The following TENT5D variants were observed in gnomAD, a reference collection of about 807,000 sequenced individuals.
TENT5D encodes the protein cancer/testis antigen 112.
For synonymous variants in TENT5D, 103 were observed against 100.6 expected (o/e 1.02, Z -0.15); for missense variants, 191 against 287.0 (o/e 0.67, Z 2.42).
intron 3 of TENT5D, among the ~76,000 whole-genome samples, chrX:80,375,215 T>C (rs1930702083): frequency 9.0e-6 from 1 of 111,713 alleles, no homozygotes; most frequent in Non-Finnish European, 1.9e-5. Flanking sequence ...AAACTTAAAT[T>C]TCATACATAG....
chrX:80,395,735 A>G (rs1931227817), intron 3 of TENT5D, among the ~76,000 whole-genome samples: 1 of 109,769 alleles, frequency 9.1e-6, no homozygotes, highest in Admixed American at 9.9e-5. Flanking sequence ...GCTATTTGAA[A>G]CCATATATTA....
intron 3 of TENT5D, among the ~76,000 whole-genome samples, chrX:80,351,498 C>T (rs187001745): frequency 4.0e-4 from 43 of 108,661 alleles, no homozygotes; most frequent in African/African-American, 1.3e-3. Flanking sequence ...TCAGCTCCAT[C>T]AGATCATTTA....
chrX:80,404,830 A>G (rs979024898), intron 3 of TENT5D, among the ~76,000 whole-genome samples: 2 of 112,168 alleles, frequency 1.8e-5, no homozygotes, highest in Non-Finnish European at 3.8e-5. Context: ...AGAAAGTTAC[A>G]TGGATGTAAT....
At chrX:80,353,855 C>T (rs1382175478) in intron 3 of TENT5D, among the ~76,000 whole-genome samples, 1 of 112,438 alleles carries the variant, frequency 8.9e-6, no homozygotes, top group Admixed American at 9.4e-5. Context: ...CATTGCCAAA[C>T]TGCTTTTCAC....
intron 3 of TENT5D, among the ~76,000 whole-genome samples, chrX:80,354,036 A>G (rs779751345): frequency 5.1e-4 from 57 of 111,071 alleles, no homozygotes; most frequent in African/African-American, 1.7e-3. Context: ...TTTCCTTATG[A>G]TTAGTGATGT....
intron 3 of TENT5D, among the ~76,000 whole-genome samples, chrX:80,392,437 C>A (rs1931146718): frequency 1.2e-5 from 1 of 83,722 alleles, no homozygotes; most frequent in Non-Finnish European, 2.3e-5. Flanking sequence ...GGGCCAATTT[C>A]TGTGATCTTA....
chrX:80,349,814 T>G (rs1430400375), intron 3 of TENT5D, among the ~76,000 whole-genome samples: 2 of 111,313 alleles, frequency 1.8e-5, no homozygotes, highest in Admixed American at 1.9e-4. Flanking sequence ...CTCTAAACAC[T>G]GCTTTACCTG....
At chrX:80,406,019 A>G (rs1240667042) in intron 3 of TENT5D, among the ~76,000 whole-genome samples, 27 of 108,392 alleles carry the variant, frequency 2.5e-4, no homozygotes, top group Non-Finnish European at 4.0e-4. Context: ...GGGTATTCCA[A>G]CAGACCTGCA....
intron 1 of TENT5D, among the ~76,000 whole-genome samples, chrX:80,428,347 T>A (rs1932022309): frequency 8.9e-6 from 1 of 112,172 alleles, no homozygotes; most frequent in Non-Finnish European, 1.9e-5. Context: ...ATGGTTAACC[T>A]GTTGGCTTCT....
At chrX:80,397,053 C>T (rs1363543321) in intron 3 of TENT5D, among the ~76,000 whole-genome samples, 32 of 91,176 alleles carry the variant, frequency 3.5e-4, no homozygotes, top group South Asian at 6.3e-4. Context: ...CCCTCCCAGA[C>T]GGGGTGGCTG....
intron 1 of TENT5D, among the ~76,000 whole-genome samples, chrX:80,426,711 A>G (rs1230774802): frequency 8.9e-6 from 1 of 111,922 alleles, no homozygotes; most frequent in African/African-American, 3.2e-5. Flanking sequence ...CCTAGGCAAA[A>G]TGTACATTTC....
intron 2 of TENT5D, among the ~76,000 whole-genome samples, chrX:80,337,954 G>A (rs1314847523): frequency 1.8e-5 from 2 of 111,037 alleles, no homozygotes; most frequent in African/African-American, 3.3e-5. Context: ...TAGTAGAGAC[G>A]GGGTTTCACC....
intron 1 of TENT5D, among the ~76,000 whole-genome samples, chrX:80,433,035 G>A (rs758341039): frequency 4.7e-4 from 52 of 111,353 alleles, no homozygotes; most frequent in Non-Finnish European, 7.5e-4. Context: ...ACCATCAGGA[G>A]CTGAACTGAT....
At position 80,377,698 on chromosome X, in the gene TENT5D, G is replaced by A. The variant is rs772933366; in HGVS notation, c.-142+35134G>A. Among the ~76,000 whole-genome samples the A allele has an allele frequency of 3.9e-4, 44 of 111,992 alleles. No homozygotes were observed. The South Asian group carries it at 7.5e-3, about 19-fold the overall frequency. The stretch of plus-strand genomic sequence containing the variant: ...GTGAATAGTGCCACAATAAACATAC[G>A]TGTGCATGTGTCTTTATAGTAGCAT... On this transcript the variant is annotated intron_variant, in intron 3 of 4. Coordinates refer to the TENT5D transcript ENST00000538312.
chrX:80,343,014 T>A (rs1190532149), intron 3 of TENT5D, among the ~76,000 whole-genome samples: 1 of 111,285 alleles, frequency 9.0e-6, no homozygotes. Flanking sequence ...AAGTCAACTT[T>A]ATAAAGGAAA....
At position 80,401,100 on chromosome X, in the gene TENT5D, A is replaced by T. The variant is rs374664158; in HGVS notation, c.-141-37510A>T. Among the ~76,000 whole-genome samples the T allele has an allele frequency of 9.8e-5, 11 of 111,837 alleles. No individual in the cohort carries two copies. In the East Asian group the frequency reaches 3.1e-3, roughly 31 times the overall value. On this transcript the variant is annotated intron_variant, in intron 3 of 4. Coordinates refer to the TENT5D transcript ENST00000538312. ...GTCTTCTTCAGTCTCTTTTGATAAC[A>T]TTTTATAGTTTTCATTATAAAAGTC...
chrX:80,366,637 G>T (rs1171648841), intron 3 of TENT5D, among the ~76,000 whole-genome samples: 1 of 111,152 alleles, frequency 9.0e-6, no homozygotes, highest in Non-Finnish European at 1.9e-5. Flanking sequence ...ATAAGAGAAT[G>T]AATGCTTTAT....
At chrX:80,401,487 A>G (rs1056687515) in intron 3 of TENT5D, among the ~76,000 whole-genome samples, 2 of 111,588 alleles carry the variant, frequency 1.8e-5, no homozygotes, top group Non-Finnish European at 3.8e-5. Context: ...TATCTCGTTC[A>G]TGATCTTAAA....
rs747025741 is a variant in TENT5D at position 80,383,605 on chromosome X, C to A, written c.-142+41041C>A. On this transcript the variant is annotated intron_variant, in intron 3 of 4. Transcript: ENST00000538312. ...GGCGCATTGGCTCACGCCTGTAATC[C>A]CAGCACTTTGTGAGGCCGAGGCAGG... Among the ~76,000 whole-genome samples the A allele has an allele frequency of 6.8e-3, 762 of 112,211 alleles. 5 individuals are homozygous for A. The highest frequency in any genetic ancestry group is 0.023 in the African/African-American group (721 of 30,907).
Sources: allele counts gnomAD v4.1 joint callset (sites outside exome capture counted in the v4.1 genomes callset), GRCh38; gene constraint gnomAD v4.1.1; transcripts MANE v1.5; gene names NCBI Gene and HGNC (gene_info 2026-07-23, HGNC 2026-07-21).